The following LY9 variants were observed in gnomAD, a reference collection of about 807,000 sequenced individuals.
LY9 encodes the protein T-lymphocyte surface antigen Ly-9.
In LY9, 59 loss-of-function variants were observed where a neutral mutation model predicts 64.6. The observed-to-expected ratio is 0.91, with a 90% CI of 0.74 to 1.13. The LOEUF (loss-of-function observed/expected upper bound fraction) is 1.13. Ranked by LOEUF, LY9 falls within the 50% of genes most tolerant of loss-of-function variation. The pLI, the probability that LY9 is intolerant of heterozygous loss-of-function variation, is 0.00. For missense variants in LY9, 789 were observed against 797.2 expected (o/e 0.99, Z 0.12); for synonymous variants, 281 against 308.5 (o/e 0.91, Z 0.93).
intron 9 of LY9, among the ~76,000 whole-genome samples, chr1:160,824,870 A>C (rs867727194): frequency 3.2e-4 from 49 of 151,918 alleles, no homozygotes; most frequent in African/African-American, 1.2e-3. Context: ...AGTTCCAACT[A>C]CTCAGAGACT....
chr1:160,796,924 C>T (rs1665937881), intron 1 of LY9, among the ~76,000 whole-genome samples: 2 of 152,166 alleles, frequency 1.3e-5, no homozygotes, highest in African/African-American at 4.8e-5. Context: ...GAGAAGCCAC[C>T]TAGCAATTTC....
chr1:160,814,394 C>T (rs1667770467), intron 3 of LY9, 26 bp from the exon 4 acceptor site: 2 of 1,545,204 alleles, frequency 1.3e-6, no homozygotes, highest in Non-Finnish European at 1.8e-6. Flanking sequence ...GTGACTGAAG[C>T]TGCAATGTCT....
At chr1:160,808,178 C>T (rs1189828870) in intron 2 of LY9, among the ~76,000 whole-genome samples, 5 of 152,162 alleles carry the variant, frequency 3.3e-5, no homozygotes, top group Non-Finnish European at 7.4e-5. Flanking sequence ...AGCTCACAGC[C>T]CACTACTTTA....
intron 2 of LY9, chr1:160,802,423 G>T: frequency 1.0e-6 from 1 of 986,328 alleles, no homozygotes; most frequent in Non-Finnish European, 1.2e-6. Flanking sequence ...GCCACTCCCC[G>T]AGGAGCTGGG....
intron 2 of LY9, chr1:160,802,130 G>T: frequency 7.4e-7 from 1 of 1,345,488 alleles, no homozygotes; most frequent in East Asian, 2.9e-5. Context: ...GAGACTCCTG[G>T]TCTGTGAAGA....
intron 2 of LY9, chr1:160,813,226 C>A (rs188769826): frequency 5.7e-4 from 112 of 194,846 alleles, no homozygotes; most frequent in African/African-American, 2.6e-3. Flanking sequence ...AAGACACGGG[C>A]AACTCAAATT....
chr1:160,824,717 T>A (rs1026610260), intron 9 of LY9: 4 of 931,104 alleles, frequency 4.3e-6, no homozygotes, highest in East Asian at 2.4e-4. Flanking sequence ...CGGTGGCTCA[T>A]ACCTGTAATC....
chr1:160,808,845 G>A (rs1667215693), intron 2 of LY9, among the ~76,000 whole-genome samples: 1 of 152,176 alleles, frequency 6.6e-6, no homozygotes, highest in African/African-American at 2.4e-5. Flanking sequence ...TTTAAAAACA[G>A]ACATTCTTTT....
intron 2 of LY9, among the ~76,000 whole-genome samples, chr1:160,805,919 CTTTTT>C (rs60244350): frequency 1.1e-4 from 8 of 72,460 alleles, no homozygotes; most frequent in South Asian, 5.1e-4. Flanking sequence ...CATTCTTTGT[CTTTTT>C]TTTTTTTTTT....
intron 2 of LY9, chr1:160,802,034 C>T (rs1666540637): frequency 2.8e-6 from 4 of 1,450,926 alleles, no homozygotes; most frequent in East Asian, 5.1e-5. Flanking sequence ...CACTGCCCCC[C>T]GAGGCTGCTA....
At chr1:160,798,490 A>T (rs1666115478) in intron 1 of LY9, among the ~76,000 whole-genome samples, 1 of 152,196 alleles carries the variant, frequency 6.6e-6, no homozygotes, top group Admixed American at 6.5e-5. Flanking sequence ...TCTCTTCCAG[A>T]TGGGAAGAGC....
At chr1:160,801,806 G>T (rs749800772) in intron 2 of LY9, 3 of 1,614,034 alleles carry the variant, frequency 1.9e-6, no homozygotes, top group South Asian at 1.1e-5. Context: ...TTATTGAAAA[G>T]TTGTCCGTCC....
intron 2 of LY9, chr1:160,802,043 T>C: frequency 7.0e-7 from 1 of 1,434,834 alleles, no homozygotes; most frequent in Admixed American, 2.9e-5. Flanking sequence ...CCGAGGCTGC[T>C]AGACGTGGGC....
At position 160,818,413 on chromosome 1, in the gene LY9, C is replaced by T; in HGVS notation, c.1444+94C>T. Reference sequence around the variant, plus strand: ...TGCCCTCACACAATCCCGTGCTACCCCTCCCTGCCAGCATCTTATTTCTTC... The same window carrying T: ...TGCCCTCACACAATCCCGTGCTACCTCTCCCTGCCAGCATCTTATTTCTTC... On this transcript the variant is annotated intron_variant, in intron 6 of 9. Transcript: ENST00000263285. 3.5e-6 allele frequency: 3 copies of T among 863,300 alleles called. No individual in the cohort carries two copies. The South Asian group carries it at 4.7e-5, about 13-fold the overall frequency. 53.5% of individuals were successfully genotyped at this position (863,300 alleles called of 1,614,324 possible). A position where few individuals can be genotyped will look rare whatever the true frequency, so the allele number is the denominator to read the frequency against.
intron 1 of LY9, 57 bp downstream of exon 1, chr1:160,796,368 G>T: frequency 6.4e-7 from 1 of 1,552,986 alleles, no homozygotes; most frequent in South Asian, 1.2e-5. Flanking sequence ...GAGGCCAGTT[G>T]CATTCCCTGC....
intron 2 of LY9, among the ~76,000 whole-genome samples, chr1:160,805,919 C>CTTTTTTTTT (rs60244350): frequency 3.6e-4 from 26 of 72,434 alleles, no homozygotes; most frequent in African/African-American, 6.2e-4. Context: ...CATTCTTTGT[C>CTTTTTTTTT]TTTTTTTTTT....
In LY9 at chr1:160,805,741, T is replaced by A. The variant is rs367611828; in HGVS notation, c.454+5659T>A. Among the ~76,000 whole-genome samples the A allele has an allele frequency of 4.8e-3, 675 of 140,706 alleles. 3 individuals are homozygous for A. Among genetic ancestry groups the A allele is most frequent in the African/African-American group, 0.015 (565 of 38,086 alleles). The allele number at this position is 140,706 out of a possible 152,430, so 92.3% of individuals were successfully genotyped here. A position where few individuals can be genotyped will look rare whatever the true frequency, so the allele number is the denominator to read the frequency against. On this transcript the variant is annotated intron_variant, in intron 2 of 9. Coordinates refer to ENST00000263285, the MANE Select transcript of LY9 (RefSeq NM_002348.4). ...CTGTTGCAGTCTCTCTCTCTCTGTC[T>A]CACACACACACACACACACACACAC...
intron 2 of LY9, chr1:160,802,154 G>T: frequency 3.1e-6 from 4 of 1,293,098 alleles, no homozygotes; most frequent in Non-Finnish European, 3.9e-6. Flanking sequence ...GCTGACGCCC[G>T]CAGGAACCGG....
chr1:160,814,370 A>G, intron 3 of LY9, 50 bp from the exon 4 acceptor site: 2 of 1,421,936 alleles, frequency 1.4e-6, no homozygotes, highest in Non-Finnish European at 1.9e-6. Flanking sequence ...CTGGGGGCCA[A>G]GGGAGTAGGG....
Sources: gnomAD v4.1 joint callset for allele counts (sites outside exome capture counted in the v4.1 genomes callset) on GRCh38, gnomAD v4.1.1 for gene constraint, MANE v1.5 for transcripts, NCBI Gene and HGNC (gene_info 2026-07-23, HGNC 2026-07-21) for gene names.